The following ACTL6A variants were observed in gnomAD, a reference collection of about 807,000 sequenced individuals.
ACTL6A encodes the protein actin like 6A, also known as actin-like protein 6A.
ACTL6A carries 5 observed loss-of-function variants against 59.2 expected under a neutral mutation model. That is an observed-to-expected ratio of 0.08 (90% CI 0.04 to 0.18). The LOEUF (loss-of-function observed/expected upper bound fraction) is 0.18. Ranked by LOEUF, ACTL6A falls within the 10% of genes least tolerant of loss-of-function variation. The pLI, the probability that ACTL6A is intolerant of heterozygous loss-of-function variation, is 1.00. For missense variants in ACTL6A, 285 were observed against 526.9 expected, an observed-to-expected ratio of 0.54 and a Z score of 4.49; for synonymous variants, 154 against 171.8, an observed-to-expected ratio of 0.90 and a Z score of 0.81.
rs779293086 is a variant in ACTL6A, at chr3:179,569,928, TATGTAAAGCCATTC to T, written c.102+36_102+49del. The T allele has an allele frequency of 1.2e-4, 192 of 1,601,376 alleles. 3 individuals are homozygous for T. In the South Asian group the frequency reaches 1.9e-3, roughly 16 times the overall value. ...AAGTGTAATGTTAGAGTTAATTGGA[TATGTAAAGCCATTC>T]ATGTAAATTAAATTTATGCAGAAAT... On this transcript the variant is annotated intron_variant, in intron 2 of 13. Coordinates refer to ENST00000429709, the MANE Select transcript of ACTL6A (RefSeq NM_004301.5).
At chr3:179,563,348 T>C (rs1291227796) in intron 1 of ACTL6A, among the ~76,000 whole-genome samples, 1 of 151,740 alleles carries the variant, frequency 6.6e-6, no homozygotes, top group African/African-American at 2.4e-5. Flanking sequence ...TTCCTGCCTC[T>C]GTCCCCGGAG....
rs1230461370 is a variant in ACTL6A at position 179,588,103 on chromosome 3, G to GT, written c.*96dup. ...AAAGAATGACCATCTTTTGTAGAAT[G>GT]TTTATACATTTTTGCATATTTCAAT... On this transcript the variant is annotated 3_prime_UTR_variant, in exon 14 of 14. Transcript: ENST00000429709. The GT allele has an allele frequency of 2.1e-6, 2 of 948,002 alleles. No individual in the cohort carries two copies. Among genetic ancestry groups the GT allele is most frequent in the Admixed American group, 7.2e-5 (2 of 27,776 alleles). The allele number at this position is 948,002 out of a possible 1,614,324, so 58.7% of individuals were successfully genotyped here.
chr3:179,583,142 G>T (rs1201268396), intron 11 of ACTL6A: 1 of 349,144 alleles, frequency 2.9e-6, no homozygotes, highest in Admixed American at 4.6e-5. Context: ...ATTGCCCCTA[G>T]GAATTTGTGT....
At chr3:179,563,271 G>A in intron 1 of ACTL6A, 154 bp downstream of exon 1, 1 of 1,243,996 alleles carries the variant, frequency 8.0e-7, no homozygotes, top group Non-Finnish European at 1.1e-6. Context: ...CGCTCTGCCC[G>A]CCCCCGGAGC....
chr3:179,576,992 A>G, intron 8 of ACTL6A, 79 bp downstream of exon 8: 1 of 1,117,012 alleles, frequency 9.0e-7, no homozygotes, highest in Non-Finnish European at 1.3e-6. Flanking sequence ...TATAGGCTGT[A>G]AATCCTTGAG....
intron 5 of ACTL6A, chr3:179,574,761 T>A: frequency 4.6e-6 from 1 of 215,776 alleles, no homozygotes; most frequent in East Asian, 1.1e-4. Context: ...TTGGCTTAGG[T>A]GAATTGAAAG....
At chr3:179,572,439 A>G (rs1718035806) in intron 3 of ACTL6A, among the ~76,000 whole-genome samples, 1 of 152,208 alleles carries the variant, frequency 6.6e-6, no homozygotes, top group African/African-American at 2.4e-5. Context: ...ACTCTTGTGT[A>G]GGCAATACTG....
intron 8 of ACTL6A, among the ~76,000 whole-genome samples, chr3:179,578,346 T>C (rs1718231822): frequency 1.3e-5 from 2 of 152,142 alleles, no homozygotes; most frequent in South Asian, 4.2e-4. Flanking sequence ...CCCAGCTACT[T>C]GGGAGGCTGA....
At chr3:179,586,364 C>T (rs1718488303) in intron 12 of ACTL6A, 182 bp from the exon 13 acceptor site, 2 of 450,546 alleles carry the variant, frequency 4.4e-6, no homozygotes, top group East Asian at 8.2e-5. Flanking sequence ...GTGGCTCATG[C>T]ATGTAATCCC....
intron 11 of ACTL6A, 128 bp downstream of exon 11, chr3:179,581,348 C>T (rs1264924289): frequency 2.6e-6 from 2 of 766,540 alleles, no homozygotes; most frequent in Admixed American, 2.2e-5. Flanking sequence ...CATTTTATAA[C>T]AGTATATGTA....
chr3:179,575,585 T>C (rs1718143432), intron 5 of ACTL6A: 1 of 376,940 alleles, frequency 2.7e-6, no homozygotes, highest in Admixed American at 3.5e-5. Context: ...TCAGTAAATA[T>C]TTGATGAATG....
At chr3:179,574,906 AC>A (rs549333096) in intron 5 of ACTL6A, 384 of 177,280 alleles carry the variant, frequency 2.2e-3, no homozygotes, top group Non-Finnish European at 3.4e-3. Flanking sequence ...TCTCTGTCCT[AC>A]TGCCACAGCA....
chr3:179,586,549 A>G lies in ACTL6A; in HGVS notation c.1126A>G (p.Met376Val). 1 of 1,583,064 alleles carries G rather than the reference A, an allele frequency of 6.3e-7. No homozygotes were observed. The highest frequency in any genetic ancestry group is 8.5e-7 in the Non-Finnish European group (1 of 1,169,848). ...RELSQKTPPSMRLKLIANNTT... is the reference protein window; with the variant it reads ...RELSQKTPPSVRLKLIANNTT... ...AATGCATATTCTTCTATTTCAGAGTATGCGGTTGAAATTGATTGCAAATAA... is the reference window on the plus strand; with the variant it reads ...AATGCATATTCTTCTATTTCAGAGTGTGCGGTTGAAATTGATTGCAAATAA... The change falls in exon 13 of 14, where the codon ATG becomes GTG. Residue 376 changes from methionine to valine, a missense_variant. Coordinates refer to ENST00000429709, the MANE Select transcript of ACTL6A (RefSeq NM_004301.5).
rs80218070 is a variant in ACTL6A, at chr3:179,569,240, A to G, written c.26-584A>G. Among the ~76,000 whole-genome samples, 1,143 of 152,144 alleles carry G rather than the reference A, an allele frequency of 7.5e-3. 17 individuals carry two copies. The highest frequency in any genetic ancestry group is 0.026 in the African/African-American group (1,084 of 41,502). On this transcript the variant is annotated intron_variant, in intron 1 of 13. Transcript: ENST00000429709. ...CCTGTCAGGTAGCCCTCCCCATACA[A>G]CTTTCTCTCCAGATTCTGATAACAG...
intron 1 of ACTL6A, among the ~76,000 whole-genome samples, chr3:179,563,687 C>T (rs983810705): frequency 1.3e-5 from 2 of 152,252 alleles, no homozygotes; most frequent in East Asian, 1.9e-4. Flanking sequence ...GCTGCCTCAC[C>T]TTTCAGTAAC....
At position 179,588,047 on chromosome 3, in the gene ACTL6A, C is replaced by T; in HGVS notation, c.*37C>T. The T allele has an allele frequency of 6.7e-7, 1 of 1,484,506 alleles. No individual in the cohort carries two copies. The highest frequency in any genetic ancestry group is 9.2e-7 in the Non-Finnish European group (1 of 1,089,966). 92.0% of individuals were successfully genotyped at this position (1,484,506 alleles called of 1,614,324 possible). Reference sequence around the variant, plus strand: ...CAAGCTTCTACCTTCCTTTTGTCACCTTACGTTTCATAGCTTTAGTATACT... The same window carrying T: ...CAAGCTTCTACCTTCCTTTTGTCACTTTACGTTTCATAGCTTTAGTATACT... On this transcript the variant is annotated 3_prime_UTR_variant, in exon 14 of 14. Transcript: ENST00000429709.
rs927891334 is a variant in ACTL6A, at chr3:179,570,948, T to C, written c.277+707T>C. 1.3e-5 allele frequency among the ~76,000 whole-genome samples: 2 copies of C among 152,088 alleles called. No individual in the cohort carries two copies. Among genetic ancestry groups the C allele is most frequent in the African/African-American group, 4.8e-5 (2 of 41,400 alleles). On this transcript the variant is annotated intron_variant, in intron 3 of 13. Transcript: ENST00000429709. The surrounding 1 kb of genome is among the most constrained non-coding windows in gnomAD (Gnocchi z 4.3). ...AACTATTATATAATGCTGGTAGAGA[T>C]TCTGAAGGGACTTTCAGGGTAACCA...
intron 1 of ACTL6A, 178 bp downstream of exon 1, chr3:179,563,295 C>G (rs909470528): frequency 1.8e-6 from 2 of 1,085,384 alleles, no homozygotes; most frequent in Non-Finnish European, 1.3e-6. Flanking sequence ...CCCGGCTCGC[C>G]GTGCTCCTCG....
intron 1 of ACTL6A, 105 bp downstream of exon 1, chr3:179,563,222 C>G (rs3774226): frequency 1.5e-5 from 23 of 1,489,186 alleles, no homozygotes; most frequent in Middle Eastern, 2.4e-4. Flanking sequence ...CGGTCTCCCC[C>G]TCTCGGGACC....
Sources: allele counts gnomAD v4.1 joint callset (sites outside exome capture counted in the v4.1 genomes callset), GRCh38; gene constraint gnomAD v4.1.1; non-coding constraint Gnocchi (gnomAD v3.1); transcripts MANE v1.5; gene names NCBI Gene and HGNC (gene_info 2026-07-23, HGNC 2026-07-21).